KLHL29: variants seen among roughly 807,000 people sequenced by gnomAD.
KLHL29 encodes kelch like family member 29.
A neutral mutation model predicts 80.4 loss-of-function variants in KLHL29; 21 were observed. The ratio of observed to expected loss-of-function variants is 0.26; its 90% confidence interval spans 0.19 to 0.38. The LOEUF (loss-of-function observed/expected upper bound fraction) is 0.38, where lower values mean the gene tolerates loss of function less well. KLHL29 is among the 10% of genes least tolerant of loss of function. The pLI, the probability that KLHL29 is intolerant of heterozygous loss-of-function variation, is 1.00. For synonymous variants in KLHL29, 511 were observed against 526.8 expected (o/e 0.97, Z 0.41); for missense variants, 867 against 1,223.9 (o/e 0.71, Z 4.35).
chr2:23,582,875 C>T (rs1041252883), intron 3 of KLHL29, among the ~76,000 whole-genome samples: 2 of 152,170 alleles, frequency 1.3e-5, no homozygotes, highest in African/African-American at 4.8e-5. Flanking sequence ...TAAACGTGAC[C>T]TTGTTTGGAA....
chr2:23,386,321 T>C (rs888254272), intron 1 of KLHL29, among the ~76,000 whole-genome samples: 1 of 152,044 alleles, frequency 6.6e-6, no homozygotes, highest in African/African-American at 2.4e-5. Context: ...GATCTCGCAT[T>C]TGGGGACTGG....
chr2:23,492,954 G>C (rs745979990), intron 2 of KLHL29, among the ~76,000 whole-genome samples: 5 of 152,152 alleles, frequency 3.3e-5, no homozygotes, highest in African/African-American at 4.8e-5. Context: ...GCCTCTCTCC[G>C]TTGCAGCTGT....
chr2:23,620,570 A>G (rs568304493), intron 3 of KLHL29, among the ~76,000 whole-genome samples: 307 of 152,336 alleles, frequency 2.0e-3, no homozygotes, highest in Middle Eastern at 3.4e-3. Context: ...GGGACAGAGC[A>G]TACAGCAGAG....
intron 2 of KLHL29, among the ~76,000 whole-genome samples, chr2:23,555,838 C>T (rs1029550620): frequency 5.3e-5 from 8 of 152,212 alleles, no homozygotes; most frequent in African/African-American, 1.7e-4. Flanking sequence ...AGAGATGATC[C>T]GAATTGTGAG....
Position 23,696,812 on chromosome 2 carries a change from G to A in KLHL29, c.2105+299G>A, listed in dbSNP as rs74582629. ...GCTGGAGGCCCAAGATCCAGTTGCA[G>A]AAGGCCTGGGATGAGCCAGACCCTC... is the stretch of plus-strand genomic sequence containing the variant. On this transcript the variant is annotated intron_variant, in intron 11 of 13. Transcript: ENST00000486442. This position sits in a 1 kb window ranked among gnomAD's most constrained non-coding sequence, Gnocchi z 5.5. 63 of 318,484 alleles carry A rather than the reference G, an allele frequency of 2.0e-4. No individual in the cohort carries two copies. The highest frequency in any genetic ancestry group is 1.3e-3 in the African/African-American group (61 of 45,512). 19.7% of individuals were successfully genotyped at this position (318,484 alleles called of 1,614,324 possible).
At chr2:23,469,657 CTTCCAGA>C (rs1419722346) in intron 1 of KLHL29, among the ~76,000 whole-genome samples, 1 of 152,106 alleles carries the variant, frequency 6.6e-6, no homozygotes, top group Admixed American at 6.6e-5. Flanking sequence ...GTGTGAACAT[CTTCCAGA>C]TGTTCAAAGA....
At chr2:23,572,700 CTT>C (rs67663284) in intron 3 of KLHL29, among the ~76,000 whole-genome samples, 16 of 136,810 alleles carry the variant, frequency 1.2e-4, no homozygotes, top group Admixed American at 1.5e-4. Flanking sequence ...ACAGTGATTT[CTT>C]TTTTTTTTTT....
chr2:23,552,042 AC>A (rs1277534387), intron 2 of KLHL29, among the ~76,000 whole-genome samples: 2 of 152,228 alleles, frequency 1.3e-5, no homozygotes, highest in Admixed American at 6.5e-5. Flanking sequence ...CTCTAAAAGA[AC>A]CTTGTGTGGT....
rs111611960 is a variant in KLHL29 at position 23,536,890 on chromosome 2, T to TCACACACA, written c.-45-25240_-45-25233dup. On this transcript the variant is annotated intron_variant, in intron 2 of 13. Coordinates refer to ENST00000486442, the MANE Select transcript of KLHL29 (RefSeq NM_052920.2). The stretch of plus-strand genomic sequence containing the variant: ...CTAACGAAATAGCGAAAGACAGATC[T>TCACACACA]CACACACACACACACACACACACAC... 1.1e-3 allele frequency among the ~76,000 whole-genome samples: 163 copies of TCACACACA among 143,202 alleles called. 2 individuals carry two copies. Among genetic ancestry groups the TCACACACA allele is most frequent in the Middle Eastern group, 0.01 (3 of 292 alleles). The allele number at this position is 143,202 out of a possible 152,430, so 93.9% of individuals were successfully genotyped here.
In KLHL29 at chr2:23,640,245, T is replaced by G. The variant is rs555313188; in HGVS notation, c.427+965T>G. Among the ~76,000 whole-genome samples, 3 of 152,302 alleles carry G rather than the reference T, an allele frequency of 2.0e-5. No individual in the cohort carries two copies. The South Asian group carries it at 6.2e-4, about 32-fold the overall frequency. ...GCTGACCCTACCCCTCCCAATTATG[T>G]TCCCTGCAGACCTGGTCTTGTCTTC... On this transcript the variant is annotated intron_variant, in intron 4 of 13. Coordinates refer to ENST00000486442, the MANE Select transcript of KLHL29 (RefSeq NM_052920.2).
chr2:23,391,635 A>T (rs1666324757), intron 1 of KLHL29, among the ~76,000 whole-genome samples: 1 of 152,118 alleles, frequency 6.6e-6, no homozygotes, highest in Non-Finnish European at 1.5e-5. Flanking sequence ...GGGTTTCTCC[A>T]TGTTGGTCAG....
chr2:23,677,111 A>G (rs980362892), intron 5 of KLHL29, among the ~76,000 whole-genome samples: 1 of 152,236 alleles, frequency 6.6e-6, no homozygotes, highest in African/African-American at 2.4e-5. Flanking sequence ...GTTAAGGAGA[A>G]AAATAGAAGC....
chr2:23,460,069 G>A (rs906829607), intron 1 of KLHL29, among the ~76,000 whole-genome samples: 1 of 152,314 alleles, frequency 6.6e-6, no homozygotes, highest in East Asian at 1.9e-4. Flanking sequence ...CATACCTACT[G>A]TGTATTTATT....
chr2:23,529,292 T>G (rs1666424754), intron 2 of KLHL29, among the ~76,000 whole-genome samples: 1 of 152,062 alleles, frequency 6.6e-6, no homozygotes, highest in Non-Finnish European at 1.5e-5. Context: ...TTCCCCATTT[T>G]CTGTAGAGAT....
At chr2:23,450,080 T>G (rs988398494) in intron 1 of KLHL29, among the ~76,000 whole-genome samples, 6 of 152,138 alleles carry the variant, frequency 3.9e-5, no homozygotes, top group Non-Finnish European at 7.4e-5. Context: ...GATCGCCAAT[T>G]AAAAAGCTCA....
intron 5 of KLHL29, among the ~76,000 whole-genome samples, chr2:23,663,528 T>G (rs1670475168): frequency 6.6e-6 from 1 of 152,236 alleles, no homozygotes; most frequent in Non-Finnish European, 1.5e-5. Context: ...ACCCTGGATA[T>G]TTATAACTTC....
At chr2:23,412,135 G>GCA (rs1558328568) in intron 1 of KLHL29, among the ~76,000 whole-genome samples, 1 of 136,868 alleles carries the variant, frequency 7.3e-6, no homozygotes, top group African/African-American at 2.8e-5. Context: ...GGGGGGGGGG[G>GCA]CGGTGCGGTA....
intron 1 of KLHL29, among the ~76,000 whole-genome samples, chr2:23,395,504 T>C (rs1485225120): frequency 2.0e-5 from 3 of 152,110 alleles, no homozygotes; most frequent in Non-Finnish European, 4.4e-5. Context: ...CCCAGCACTT[T>C]GGGAGGCCGA....
At chr2:23,484,738 C>T (rs920424834) in intron 2 of KLHL29, among the ~76,000 whole-genome samples, 3 of 152,172 alleles carry the variant, frequency 2.0e-5, no homozygotes, top group African/African-American at 7.2e-5. Context: ...TGCCATCTTG[C>T]GCAGGTCCTC....
Sources: gnomAD v4.1 joint callset for allele counts (sites outside exome capture counted in the v4.1 genomes callset) on GRCh38, gnomAD v4.1.1 for gene constraint, Gnocchi (gnomAD v3.1) non-coding constraint, MANE v1.5 for transcripts, NCBI Gene and HGNC (gene_info 2026-07-23, HGNC 2026-07-21) for gene names.